The following LAMA3 variants were observed in gnomAD, a reference collection of about 807,000 sequenced individuals.
LAMA3 encodes the protein laminin subunit alpha-3.
In LAMA3, 281 loss-of-function variants were observed where a neutral mutation model predicts 402.0. The observed-to-expected ratio is 0.70, with a 90% CI of 0.63 to 0.77. The LOEUF is 0.77. Ranked by LOEUF, LAMA3 falls within the 30% of genes least tolerant of loss-of-function variation. The probability of loss-of-function intolerance (pLI) is 0.00; values close to 1 mark genes in which losing one functional copy is unlikely to be tolerated. For missense variants in LAMA3, 3,840 were observed against 4,215.5 expected (o/e 0.91, Z 2.47); for synonymous variants, 1,431 against 1,558.4 (o/e 0.92, Z 1.93).
In LAMA3 at chr18:23,914,752, A is replaced by C. The variant is rs375987230; in HGVS notation, c.7536A>C (p.Pro2512=). ...NYTKGATSSK[P]ETPGVYDMDG... ...CCAAAGGAGCCACATCCAGTAAACC[A>C]GAAACACCCGGAGTCTATGACATGG... is the stretch of plus-strand genomic sequence containing the variant. The change falls in exon 58 of 75, where the codon CCA becomes CCC. Residue 2512 remains proline (P), a synonymous_variant. Coordinates refer to ENST00000313654, the MANE Select transcript of LAMA3 (RefSeq NM_198129.4). 5 of 1,613,688 alleles carry C rather than the reference A, an allele frequency of 3.1e-6. No homozygotes were observed. In the African/African-American group the frequency reaches 6.7e-5, roughly 22 times the overall value.
chr18:23,770,380 T>TAA (rs34622072), intron 8 of LAMA3, among the ~76,000 whole-genome samples: 19 of 145,838 alleles, frequency 1.3e-4, no homozygotes, highest in Admixed American at 4.1e-4. Flanking sequence ...AGCTCAGTTA[T>TAA]AAAAAAAAAA....
intron 12 of LAMA3, among the ~76,000 whole-genome samples, chr18:23,787,075 A>C (rs574511339): frequency 6.6e-6 from 1 of 152,312 alleles, no homozygotes; most frequent in Admixed American, 6.5e-5. Flanking sequence ...TGAAGTAAGG[A>C]GTTTGAGATC....
At chr18:23,884,705 G>T in intron 40 of LAMA3, 68 bp from the exon 41 acceptor site, 1 of 1,363,442 alleles carries the variant, frequency 7.3e-7, no homozygotes. Flanking sequence ...AGTCCTTTGT[G>T]GTAAAAAATA....
intron 64 of LAMA3, among the ~76,000 whole-genome samples, chr18:23,929,831 A>T (rs976575897): frequency 9.2e-5 from 14 of 152,212 alleles, no homozygotes; most frequent in Admixed American, 3.9e-4. Context: ...TTCCTCTGCC[A>T]CGTGTAGGAA....
chr18:23,932,431 T>C, intron 66 of LAMA3, 140 bp downstream of exon 66: 3 of 967,712 alleles, frequency 3.1e-6, no homozygotes, highest in Non-Finnish European at 4.8e-6. Context: ...CAAAATGCCA[T>C]CTTTGGCAAG....
rs185495154 is a variant in LAMA3 at position 23,814,813 on chromosome 18, A to G, written c.1888+311A>G. Among the ~76,000 whole-genome samples, 397 of 152,342 alleles carry G rather than the reference A, an allele frequency of 2.6e-3. 1 individual carries two copies. Among genetic ancestry groups the G allele is most frequent in the South Asian group, 7.1e-3 (34 of 4,816 alleles). On this transcript the variant is annotated intron_variant, in intron 15 of 74. Transcript: ENST00000313654. ...TTAATTTTAATTTTATGCTTATATC[A>G]GAGCCAGTATAAGGACTTAAAAACA...
At chr18:23,887,860 C>T (rs1257355880) in intron 41 of LAMA3, among the ~76,000 whole-genome samples, 1 of 152,228 alleles carries the variant, frequency 6.6e-6, no homozygotes, top group Non-Finnish European at 1.5e-5. Flanking sequence ...GTACCAATGT[C>T]ATTCGTGAAA....
intron 32 of LAMA3, among the ~76,000 whole-genome samples, chr18:23,853,335 G>T (rs1359342234): frequency 6.6e-6 from 1 of 152,110 alleles, no homozygotes; most frequent in South Asian, 2.1e-4. Flanking sequence ...GTGCAGTGGC[G>T]TGATCTCGGC....
chr18:23,777,890 G>A (rs2062357793), intron 11 of LAMA3, among the ~76,000 whole-genome samples: 1 of 152,172 alleles, frequency 6.6e-6, no homozygotes, highest in African/African-American at 2.4e-5. Flanking sequence ...GGCAGCCAGT[G>A]GTCTGTTGTC....
chr18:23,942,169 A>G (rs2082544107), intron 68 of LAMA3, among the ~76,000 whole-genome samples: 1 of 152,180 alleles, frequency 6.6e-6, no homozygotes, highest in Non-Finnish European at 1.5e-5. Flanking sequence ...TTACCATTTA[A>G]TTCAATTCAG....
intron 12 of LAMA3, among the ~76,000 whole-genome samples, chr18:23,785,585 G>A (rs2069664415): frequency 1.3e-5 from 2 of 152,154 alleles, no homozygotes; most frequent in Non-Finnish European, 2.9e-5. Context: ...CTATTCACTT[G>A]CACCTTTCTT....
chr18:23,944,507 A>G (rs2082638102), intron 69 of LAMA3, among the ~76,000 whole-genome samples: 1 of 152,238 alleles, frequency 6.6e-6, no homozygotes, highest in African/African-American at 2.4e-5. Flanking sequence ...TAAGCAAACA[A>G]TCCTCAATGT....
At chr18:23,704,014 G>C (rs973813224) in intron 1 of LAMA3, among the ~76,000 whole-genome samples, 4 of 152,216 alleles carry the variant, frequency 2.6e-5, no homozygotes, top group African/African-American at 9.6e-5. Flanking sequence ...CAGCTGGCTT[G>C]GGTTTGGGCA....
chr18:23,790,259 A>G (rs2062624521), intron 12 of LAMA3, among the ~76,000 whole-genome samples: 1 of 152,234 alleles, frequency 6.6e-6, no homozygotes, highest in Admixed American at 6.5e-5. Flanking sequence ...CCATTAGTGG[A>G]TAGAGAAATC....
At position 23,842,435 on chromosome 18, in the gene LAMA3, G is replaced by A. The variant is rs770712768; in HGVS notation, c.3377G>A (p.Arg1126Gln). The change falls in exon 28 of 75, where the codon CGA (arginine) becomes CAA (glutamine). Residue 1126 changes from arginine to glutamine, a missense_variant. This residue lies in a region of LAMA3 where 2,109 missense variants were observed against 2,376.0 expected (regional missense o/e 0.89). Transcript: ENST00000313654. ...TLRGRVPHLG[R>Q]YVFVIHFYQA... ...AGAGGACGTGTACCACACCTGGGCC[G>A]ATACGTCTTTGTCATCCATTTTTAC... 5 of 1,614,012 alleles carry A rather than the reference G, an allele frequency of 3.1e-6. No homozygotes were observed. The highest frequency in any genetic ancestry group is 3.4e-6 in the Non-Finnish European group (4 of 1,180,032).
At chr18:23,758,864 T>C (rs1244850167) in intron 7 of LAMA3, among the ~76,000 whole-genome samples, 3 of 152,122 alleles carry the variant, frequency 2.0e-5, no homozygotes, top group Non-Finnish European at 4.4e-5. Context: ...ATCAACTATT[T>C]TGAGGACCAA....
At chr18:23,792,165 G>A (rs965885539) in intron 12 of LAMA3, among the ~76,000 whole-genome samples, 12 of 152,226 alleles carry the variant, frequency 7.9e-5, no homozygotes, top group African/African-American at 1.7e-4. Context: ...CTTCTTCCTC[G>A]CCTCAAAACA....
rs2081816808 is a variant in LAMA3, at chr18:23,921,007, A to G, written c.7996A>G (p.Lys2666Glu). 1 of 1,614,114 alleles carries G rather than the reference A, an allele frequency of 6.2e-7. No individual in the cohort carries two copies. Among genetic ancestry groups the G allele is most frequent in the Non-Finnish European group, 8.5e-7 (1 of 1,180,002 alleles). ...ATACAAACTGAATTCAGAGCTACCA[A>G]AAGAGAGAGGAGTTGGAGACGCCAT... ...VRYKLNSELP[K>E]ERGVGDAINN... Residue 2666 changes from lysine to glutamate, a missense_variant, in exon 61 of 75, where the codon AAA (lysine) becomes GAA (glutamate). Transcript: ENST00000313654.
At chr18:23,846,900 A>G (rs1331963046) in intron 31 of LAMA3, among the ~76,000 whole-genome samples, 3 of 152,204 alleles carry the variant, frequency 2.0e-5, no homozygotes, top group Non-Finnish European at 2.9e-5. Context: ...CAGTTGAGAT[A>G]GGACAGCCAG....
Sources: allele counts gnomAD v4.1 joint callset (sites outside exome capture counted in the v4.1 genomes callset), GRCh38; gene constraint gnomAD v4.1.1; regional missense constraint gnomAD v4.1.1; transcripts MANE v1.5; gene names NCBI Gene and HGNC (gene_info 2026-07-23, HGNC 2026-07-21).